Variants in INSL6 observed in about 807,000 individuals in gnomAD.
INSL6 encodes the protein insulin-like peptide INSL6.
A neutral mutation model predicts 9.4 loss-of-function variants in INSL6; 16 were observed. The observed-to-expected ratio is 1.70, with a 90% CI of 1.15 to 2.59. The LOEUF (loss-of-function observed/expected upper bound fraction) is 2.59, where lower values mean the gene tolerates loss of function less well. Among genes scored for constraint, INSL6 ranks in the 30% most tolerant of loss-of-function variants. INSL6 has a pLI of 0.00. For synonymous variants in INSL6, 154 were observed against 96.9 expected, an observed-to-expected ratio of 1.59 and a Z score of -3.46; for missense variants, 391 against 257.3, an observed-to-expected ratio of 1.52 and a Z score of -3.56.
the INSL6 span, among the ~76,000 whole-genome samples, chr9:5,021,105 T>C: frequency 6.6e-6 from 1 of 152,130 alleles, no homozygotes; most frequent in Non-Finnish European, 1.5e-5. Context: ...GTCTCTCACT[T>C]ACTCTTTCCC....
chr9:5,033,252 G>C, the INSL6 span, among the ~76,000 whole-genome samples: 4 of 152,180 alleles, frequency 2.6e-5, no homozygotes, highest in Non-Finnish European at 5.9e-5. Context: ...TATGTGAAAA[G>C]ACCAAATCTA....
At chr9:5,058,340 G>C in the INSL6 span, among the ~76,000 whole-genome samples, 1 of 152,170 alleles carries the variant, frequency 6.6e-6, no homozygotes, top group Non-Finnish European at 1.5e-5. Context: ...AAGGTGAAGG[G>C]CAAGGAAGCC....
intron 2 of INSL6, among the ~76,000 whole-genome samples, chr9:5,158,786 C>CCTTTTCTTTTT (rs1824866402): frequency 6.6e-6 from 1 of 151,876 alleles, no homozygotes; most frequent in African/African-American, 2.4e-5. Flanking sequence ...ATGTTAATGA[C>CCTTTTCTTTTT]CAGGAAGAAA....
chr9:5,014,264 A>G, the INSL6 span, among the ~76,000 whole-genome samples: 1 of 147,400 alleles, frequency 6.8e-6, no homozygotes, highest in Non-Finnish European at 1.5e-5. Context: ...TTGGCTTCCC[A>G]GAGTGCAGGG....
At chr9:5,024,815 G>A in the INSL6 span, among the ~76,000 whole-genome samples, 1 of 152,148 alleles carries the variant, frequency 6.6e-6, no homozygotes, top group Non-Finnish European at 1.5e-5. Flanking sequence ...CATTTCTTCA[G>A]TCAGTCCCCA....
At chr9:5,112,442 A>G in the INSL6 span, 1 of 525,254 alleles carries the variant, frequency 1.9e-6, no homozygotes, top group Non-Finnish European at 3.5e-6. Flanking sequence ...ACTCAAGAGG[A>G]GAAGAAGGAG....
At chr9:5,046,755 G>A in the INSL6 span, among the ~76,000 whole-genome samples, 2 of 152,136 alleles carry the variant, frequency 1.3e-5, no homozygotes, top group African/African-American at 4.8e-5. Flanking sequence ...TATGAAAAGA[G>A]AGGGGAATGG....
chr9:5,011,956 C>A, the INSL6 span, among the ~76,000 whole-genome samples: 2 of 152,202 alleles, frequency 1.3e-5, no homozygotes. Flanking sequence ...AACACTAAAT[C>A]CTGACTCTCC....
the INSL6 span, among the ~76,000 whole-genome samples, chr9:5,080,048 C>G: frequency 6.6e-6 from 1 of 152,188 alleles, no homozygotes; most frequent in Non-Finnish European, 1.5e-5. Flanking sequence ...ATTAGATGAT[C>G]TTGAAGGTCC....
In INSL6 at chr9:5,145,971, A is replaced by T. The variant is rs932742244; in HGVS notation, c.377-12379T>A. On this transcript the variant is annotated intron_variant, in intron 2 of 3. Coordinates refer to the INSL6 transcript ENST00000649639. Reference sequence around the variant, plus strand: ...ATTTCAGCCATCTCAGCCTCAATCAAGTCCTTAACTCTTGCTGGAGAAGTG... The same window carrying T: ...ATTTCAGCCATCTCAGCCTCAATCATGTCCTTAACTCTTGCTGGAGAAGTG... 3.3e-5 allele frequency among the ~76,000 whole-genome samples: 5 copies of T among 152,154 alleles called. No homozygotes were observed. The East Asian group carries it at 9.6e-4, about 29-fold the overall frequency.
the INSL6 span, among the ~76,000 whole-genome samples, chr9:5,075,913 T>A: frequency 6.6e-6 from 1 of 152,118 alleles, no homozygotes; most frequent in South Asian, 2.1e-4. Context: ...TCATGGTTCA[T>A]GGAAGGAGAT....
the INSL6 span, among the ~76,000 whole-genome samples, chr9:5,048,543 A>C: frequency 6.6e-6 from 1 of 152,170 alleles, no homozygotes. Flanking sequence ...GCCTGTTCTC[A>C]AAAGTGTGGT....
At chr9:5,087,545 C>A in the INSL6 span, among the ~76,000 whole-genome samples, 31 of 152,046 alleles carry the variant, frequency 2.0e-4, no homozygotes, top group Admixed American at 1.4e-3. Flanking sequence ...TCTTTCTTTT[C>A]GCTGTATTTT....
At chr9:4,994,454 G>T in the INSL6 span, among the ~76,000 whole-genome samples, 5 of 152,196 alleles carry the variant, frequency 3.3e-5, no homozygotes, top group African/African-American at 1.2e-4. Flanking sequence ...GCATCTGTGA[G>T]TTCCCAGGTG....
chr9:5,042,388 C>T, the INSL6 span, among the ~76,000 whole-genome samples: 3 of 152,048 alleles, frequency 2.0e-5, no homozygotes, highest in South Asian at 2.1e-4. Flanking sequence ...CCACCCGCCT[C>T]GGCCTCCCAA....
At chr9:4,996,908 T>C in the INSL6 span, among the ~76,000 whole-genome samples, 1 of 151,532 alleles carries the variant, frequency 6.6e-6, no homozygotes, top group Non-Finnish European at 1.5e-5. Context: ...TCTCTCCTTT[T>C]ACTCTTCTGT....
chr9:5,055,900 T>C, the INSL6 span: 2 of 929,148 alleles, frequency 2.2e-6, no homozygotes, highest in African/African-American at 1.7e-5. Flanking sequence ...ATTGTAGTTT[T>C]AAATATAACT....
chr9:5,175,385 C>G (rs1205346027), intron 1 of INSL6, among the ~76,000 whole-genome samples: 1 of 152,178 alleles, frequency 6.6e-6, no homozygotes, highest in Non-Finnish European at 1.5e-5. Context: ...CTACTCTTGC[C>G]TTTCTACAGT....
chr9:5,002,400 A>G, the INSL6 span, among the ~76,000 whole-genome samples: 17 of 151,950 alleles, frequency 1.1e-4, no homozygotes, highest in African/African-American at 4.1e-4. Flanking sequence ...ACCTGGGATT[A>G]TTTAGAACTA....
Sources: gnomAD v4.1 joint callset for allele counts (sites outside exome capture counted in the v4.1 genomes callset) on GRCh38, gnomAD v4.1.1 for gene constraint, MANE v1.5 for transcripts, NCBI Gene and HGNC (gene_info 2026-07-23, HGNC 2026-07-21) for gene names.